The following RBFOX1 variants were observed in gnomAD, a reference collection of about 807,000 sequenced individuals.
RBFOX1 encodes the protein RNA binding fox-1 homolog 1, also known as RNA binding protein fox-1 homolog 1.
In RBFOX1, 8 loss-of-function variants were observed where a neutral mutation model predicts 57.7. The ratio of observed to expected loss-of-function variants is 0.14; its 90% CI spans 0.08 to 0.25. RBFOX1 has a LOEUF of 0.25. RBFOX1 is among the 10% of genes least tolerant of loss of function. RBFOX1 has a pLI of 1.00. For missense variants in RBFOX1, 611 were observed against 548.5 expected, an observed-to-expected ratio of 1.11 and a Z score of -1.14; for synonymous variants, 326 against 222.4, an observed-to-expected ratio of 1.47 and a Z score of -4.15.
intron 4 of RBFOX1, among the ~76,000 whole-genome samples, chr16:7,143,933 A>G (rs1232027315): frequency 6.6e-6 from 1 of 152,150 alleles, no homozygotes; most frequent in Non-Finnish European, 1.5e-5. Flanking sequence ...CAGACAATGG[A>G]ATAATCTTGT....
chr16:6,811,846 G>A (rs1176262841), intron 3 of RBFOX1, among the ~76,000 whole-genome samples: 2 of 152,162 alleles, frequency 1.3e-5, no homozygotes, highest in Non-Finnish European at 2.9e-5. Flanking sequence ...CCGAGATTGT[G>A]CCATTGCACT....
intron 4 of RBFOX1, among the ~76,000 whole-genome samples, chr16:7,513,650 C>G (rs1027375660): frequency 5.9e-5 from 9 of 152,166 alleles, no homozygotes; most frequent in Admixed American, 4.6e-4. Flanking sequence ...CAGTCATTGC[C>G]TAATGTCCTG....
rs117272006 is a variant in RBFOX1, at chr16:5,385,082, T to C, written c.220-82134T>C. ...GAATAGTCAAATGTATTTTGGTAAA[T>C]GCCGGGTTCAACATTAGTAATTATT... On this transcript the variant is annotated intron_variant, in intron 1 of 2. Coordinates refer to the RBFOX1 transcript ENST00000585867. Among the ~76,000 whole-genome samples, 242 of 152,354 alleles carry C rather than the reference T, an allele frequency of 1.6e-3. 3 individuals carry two copies. The highest frequency in any genetic ancestry group is 3.0e-3 in the Non-Finnish European group (204 of 68,030).
chr16:6,877,355 C>T (rs1303217382), intron 3 of RBFOX1, among the ~76,000 whole-genome samples: 1 of 152,094 alleles, frequency 6.6e-6, no homozygotes, highest in African/African-American at 2.4e-5. Flanking sequence ...TAGCAGAACA[C>T]AAAAATGTAA....
At chr16:6,600,811 A>G (rs2097844037) in intron 2 of RBFOX1, among the ~76,000 whole-genome samples, 1 of 151,898 alleles carries the variant, frequency 6.6e-6, no homozygotes, top group African/African-American at 2.4e-5. Context: ...CAATGTAAGA[A>G]AAAAAAGATA....
At chr16:5,255,794 A>T (rs573741485) in intron 1 of RBFOX1, among the ~76,000 whole-genome samples, 1 of 152,076 alleles carries the variant, frequency 6.6e-6, no homozygotes, top group South Asian at 2.1e-4. Context: ...GATTCTGGGG[A>T]GGTATCTGCT....
At chr16:7,234,962 C>G (rs1055975410) in intron 4 of RBFOX1, among the ~76,000 whole-genome samples, 2 of 151,984 alleles carry the variant, frequency 1.3e-5, no homozygotes, top group African/African-American at 4.8e-5. Context: ...TAGCTTGGAT[C>G]CAAGAAATTT....
chr16:7,590,785 G>A (rs2094401952), intron 7 of RBFOX1, among the ~76,000 whole-genome samples: 2 of 151,552 alleles, frequency 1.3e-5, no homozygotes, highest in Non-Finnish European at 2.9e-5. Context: ...CTTGAACCCG[G>A]GGGGTGGAGA....
At chr16:6,225,514 T>G (rs2097409838) in intron 1 of RBFOX1, among the ~76,000 whole-genome samples, 1 of 152,186 alleles carries the variant, frequency 6.6e-6, no homozygotes, top group Admixed American at 6.5e-5. Flanking sequence ...AACTGCTCAT[T>G]AAAAGTCAAT....
At chr16:5,321,078 A>T (rs2064389660) in intron 1 of RBFOX1, among the ~76,000 whole-genome samples, 1 of 152,154 alleles carries the variant, frequency 6.6e-6, no homozygotes, top group Non-Finnish European at 1.5e-5. Context: ...GTTTGCATCC[A>T]AGCACTGGAG....
intron 4 of RBFOX1, among the ~76,000 whole-genome samples, chr16:7,221,043 T>G (rs2092689563): frequency 1.3e-5 from 2 of 152,154 alleles, no homozygotes; most frequent in African/African-American, 4.8e-5. Flanking sequence ...ACTGTCTAAC[T>G]AGTAGAGGTG....
At chr16:6,974,596 C>T (rs982294373) in intron 3 of RBFOX1, among the ~76,000 whole-genome samples, 1 of 151,972 alleles carries the variant, frequency 6.6e-6, no homozygotes, top group Non-Finnish European at 1.5e-5. Context: ...CTGCCCACCT[C>T]GGCCTCCCAA....
intron 3 of RBFOX1, among the ~76,000 whole-genome samples, chr16:6,836,173 G>T (rs963403942): frequency 6.6e-6 from 1 of 152,114 alleles, no homozygotes; most frequent in African/African-American, 2.4e-5. Context: ...ACCGGGTAAC[G>T]CATTATTGAA....
intron 4 of RBFOX1, among the ~76,000 whole-genome samples, chr16:7,479,897 G>A (rs370320455): frequency 6.6e-5 from 10 of 152,048 alleles, no homozygotes; most frequent in South Asian, 2.1e-4. Context: ...AGTTTTTATC[G>A]GAGATTTCCC....
At chr16:6,185,279 C>G (rs1567634935) in intron 1 of RBFOX1, among the ~76,000 whole-genome samples, 1 of 152,274 alleles carries the variant, frequency 6.6e-6, no homozygotes, top group South Asian at 2.1e-4. Flanking sequence ...TGAAATAAAA[C>G]TTGTCTATAT....
intron 3 of RBFOX1, among the ~76,000 whole-genome samples, chr16:5,679,642 T>C (rs1221190334): frequency 6.6e-6 from 1 of 152,220 alleles, no homozygotes; most frequent in Non-Finnish European, 1.5e-5. Flanking sequence ...CTGAGAATGA[T>C]TGACCATCAA....
intron 8 of RBFOX1, chr16:7,597,110 C>G (rs1373368058): frequency 3.5e-6 from 1 of 286,726 alleles, no homozygotes; most frequent in Non-Finnish European, 6.4e-6. Flanking sequence ...TTTTAATTTG[C>G]TTTTACTGTC....
chr16:5,796,280 C>T (rs1023938483), intron 3 of RBFOX1, among the ~76,000 whole-genome samples: 8 of 152,282 alleles, frequency 5.3e-5, no homozygotes, highest in Non-Finnish European at 2.9e-5. Flanking sequence ...AAATCTGGAG[C>T]ATGGAAGAAG....
chr16:6,459,784 C>T (rs1344144515), intron 2 of RBFOX1, among the ~76,000 whole-genome samples: 1 of 151,584 alleles, frequency 6.6e-6, no homozygotes, highest in Non-Finnish European at 1.5e-5. Flanking sequence ...TGAGACCAGC[C>T]TGGCCAACAT....
Sources: gnomAD v4.1 joint callset for allele counts (sites outside exome capture counted in the v4.1 genomes callset) on GRCh38, gnomAD v4.1.1 for gene constraint, MANE v1.5 for transcripts, NCBI Gene and HGNC (gene_info 2026-07-23, HGNC 2026-07-21) for gene names.